Variants in GET4 observed in about 807,000 individuals in gnomAD.
GET4 encodes guided entry of tail-anchored proteins factor 4, also known as Golgi to ER traffic protein 4 homolog.
GET4 carries 20 observed loss-of-function variants against 40.0 expected under a neutral mutation model. The ratio of observed to expected loss-of-function variants is 0.50; its 90% CI spans 0.35 to 0.73. The LOEUF is 0.73. Ranked by LOEUF, GET4 falls within the 30% of genes least tolerant of loss-of-function variation. GET4 has a pLI of 0.01. For missense variants in GET4, 557 were observed against 454.0 expected, an observed-to-expected ratio of 1.23 and a Z score of -2.06; for synonymous variants, 280 against 194.6, an observed-to-expected ratio of 1.44 and a Z score of -3.65.
rs1160978419 is a variant in GET4, at chr7:895,904, C to T, written c.*482C>T. The stretch of plus-strand genomic sequence containing the variant: ...GAGCGGCTGTTTTTGAACACGGGGT[C>T]ATTCTGCAGTCAGGACGAACCGGTC... On this transcript the variant is annotated 3_prime_UTR_variant, in exon 9 of 9. Coordinates refer to ENST00000265857, the MANE Select transcript of GET4 (RefSeq NM_015949.3). 1 of 152,554 alleles carries T rather than the reference C, an allele frequency of 6.6e-6. No homozygotes were observed. The highest frequency in any genetic ancestry group is 1.5e-5 in the Non-Finnish European group (1 of 68,250). The allele number at this position is 152,554 out of a possible 1,614,324, so 9.5% of individuals were successfully genotyped here.
intron 1 of GET4, among the ~76,000 whole-genome samples, chr7:878,574 C>CTTTT (rs1261640394): frequency 3.1e-5 from 4 of 130,456 alleles, no homozygotes; most frequent in South Asian, 2.5e-4. Flanking sequence ...TTTTAATAAA[C>CTTTT]TTTTTTTTTT....
At chr7:883,515 C>T (rs1232439464) in intron 1 of GET4, 1 of 985,158 alleles carries the variant, frequency 1.0e-6, no homozygotes, top group Non-Finnish European at 1.2e-6. Context: ...AGATTGTTTG[C>T]CCAGACACTT....
chr7:886,693 C>T, intron 3 of GET4, 43 bp downstream of exon 3: 2 of 1,215,218 alleles, frequency 1.6e-6, no homozygotes, highest in African/African-American at 1.5e-5. Flanking sequence ...TGACAGCGGC[C>T]CCAGTACGCC....
chr7:890,819 C>T (rs1323194980), intron 4 of GET4, 109 bp from the exon 5 acceptor site: 14 of 892,506 alleles, frequency 1.6e-5, no homozygotes, highest in East Asian at 5.0e-5. Flanking sequence ...CTGGGCTCTC[C>T]TCCAGGGCGG....
At chr7:877,874 T>G in intron 1 of GET4, 1 of 60,094 alleles carries the variant, frequency 1.7e-5, no homozygotes, top group Non-Finnish European at 3.1e-5. Context: ...CCCCCTCCCC[T>G]TCCTCTGTCT....
At chr7:893,005 G>C (rs1844364945) in intron 6 of GET4, among the ~76,000 whole-genome samples, 1 of 151,156 alleles carries the variant, frequency 6.6e-6, no homozygotes, top group South Asian at 2.1e-4. Context: ...CGGGCGTGGT[G>C]GTGTTTGCAG....
Position 876,686 on chromosome 7 carries a change from G to C in GET4, c.41G>C (p.Arg14Pro). Residue 14 changes from arginine to proline, a missense_variant, in exon 1 of 9, where the codon CGG (arginine) becomes CCG (proline). Transcript: ENST00000265857. ...GCGATGGCCGAGCAGGAGAGCGCCC[G>C]GAACGGCGGCCGCAACCGCGGCGGC... ...AAAMAEQESA[R>P]NGGRNRGGVQ... 1 of 1,346,868 alleles carries C rather than the reference G, an allele frequency of 7.4e-7. No homozygotes were observed. Among genetic ancestry groups the C allele is most frequent in the Non-Finnish European group, 9.7e-7 (1 of 1,036,150 alleles). 83.4% of individuals were successfully genotyped at this position (1,346,868 alleles called of 1,614,324 possible). A position where few individuals can be genotyped will look rare whatever the true frequency, so the allele number is the denominator to read the frequency against.
intron 1 of GET4, chr7:883,662 C>T (rs1241645754): frequency 1.0e-6 from 1 of 985,484 alleles, no homozygotes; most frequent in Non-Finnish European, 1.2e-6. Context: ...CAATAGTGCG[C>T]AGCATGCAGA....
chr7:895,351 C>G lies in GET4; in HGVS notation c.913C>G (p.Leu305Val). The stretch of plus-strand genomic sequence containing the variant: ...CTTTCCAGGGAACCTTCTGACCAGC[C>G]TCATGGGCTCCTCAGAGCAGGAGGA... The part of the protein sequence containing the change: ...GGLLGNLLTS[L>V]MGSSEQEDGE... The change falls in exon 9 of 9, where the codon CTC becomes GTC. Residue 305 changes from leucine (L) to valine (V), a missense_variant. Leu to Val is a conservative substitution (Grantham distance 32). Transcript: ENST00000265857. 1.3e-6 allele frequency: 2 copies of G among 1,585,410 alleles called. No individual in the cohort carries two copies. The highest frequency in any genetic ancestry group is 8.6e-7 in the Non-Finnish European group (1 of 1,156,270).
At position 894,552 on chromosome 7, in the gene GET4, C is replaced by T. The variant is rs528650376; in HGVS notation, c.895+581C>T. 3.7e-4 allele frequency among the ~76,000 whole-genome samples: 57 copies of T among 152,122 alleles called. No homozygotes were observed. In the South Asian group the frequency reaches 0.011, roughly 29 times the overall value. On this transcript the variant is annotated intron_variant, in intron 8 of 8. Coordinates refer to ENST00000265857, the MANE Select transcript of GET4 (RefSeq NM_015949.3). ...GGCAGGCCCTGTCCTCCCCGGATGC[C>T]CCCCCCAGACACCCTGGCCCTCACC...
chr7:877,485 C>T (rs1307621074), intron 1 of GET4, among the ~76,000 whole-genome samples: 61 of 72,584 alleles, frequency 8.4e-4, no homozygotes, highest in Non-Finnish European at 1.4e-3. Flanking sequence ...CTCTCCCTGT[C>T]CTCCCTCTGC....
chr7:893,201 TG>T, intron 6 of GET4, among the ~76,000 whole-genome samples: 1 of 116,286 alleles, frequency 8.6e-6, no homozygotes, highest in African/African-American at 3.3e-5. Flanking sequence ...GCGGGCGCGG[TG>T]GTGTGTGCAG....
intron 8 of GET4, 102 bp downstream of exon 8, chr7:894,073 G>T: frequency 1.6e-6 from 1 of 641,104 alleles, no homozygotes; most frequent in Non-Finnish European, 2.6e-6. Context: ...CGTGGAAGTG[G>T]TTTTCTGATC....
At chr7:876,852 C>T (rs1372173883) in intron 1 of GET4, 52 bp downstream of exon 1, 2 of 1,020,982 alleles carry the variant, frequency 2.0e-6, no homozygotes, top group Admixed American at 5.2e-5. Flanking sequence ...CGCCGCCTCC[C>T]ATTGGCCGCG....
chr7:881,861 G>A (rs751321039), intron 1 of GET4: 2 of 152,288 alleles, frequency 1.3e-5, no homozygotes, highest in South Asian at 2.1e-4. Context: ...AGTGTGTGTT[G>A]TTGGCCCCTT....
chr7:891,820 C>T (rs557159850), intron 5 of GET4, among the ~76,000 whole-genome samples: 31 of 152,354 alleles, frequency 2.0e-4, no homozygotes, highest in Admixed American at 2.0e-3. Context: ...CTGCGCTACG[C>T]CGTGTACATG....
In GET4 at chr7:893,721, C is replaced by T. The variant is rs1013314244; in HGVS notation, c.747-19C>T. On this transcript the variant is annotated intron_variant, in intron 6 of 8. Transcript: ENST00000265857. ...CCTGTTCTGCTCACCCAGCACATCCCTGTGTGTCTCTGTCCCAGTGGGAAG... is the reference window on the plus strand; with the variant it reads ...CCTGTTCTGCTCACCCAGCACATCCTTGTGTGTCTCTGTCCCAGTGGGAAG... 205 of 1,556,058 alleles carry T rather than the reference C, an allele frequency of 1.3e-4. 1 individual carries two copies. The highest frequency in any genetic ancestry group is 1.8e-4 in the Non-Finnish European group (202 of 1,132,260).
At chr7:892,450 C>A in intron 6 of GET4, 32 bp downstream of exon 6, 1 of 1,579,098 alleles carries the variant, frequency 6.3e-7, no homozygotes, top group South Asian at 1.1e-5. Flanking sequence ...GGGGAGGGGG[C>A]TGTGAATGTG....
In GET4 at chr7:892,429, G is replaced by A. The variant is rs767635486; in HGVS notation, c.746+11G>A. 14 of 1,583,960 alleles carry A rather than the reference G, an allele frequency of 8.8e-6. No homozygotes were observed. Among genetic ancestry groups the A allele is most frequent in the Non-Finnish European group, 1.2e-5 (14 of 1,156,256 alleles). ...GCTGGCTGTGGACGGGTGCGTCTTG[G>A]GATCCTGCAGGGGGAGGGGGCTGTG... On this transcript the variant is annotated intron_variant, in intron 6 of 8. Transcript: ENST00000265857.
Sources: allele counts gnomAD v4.1 joint callset (sites outside exome capture counted in the v4.1 genomes callset), GRCh38; gene constraint gnomAD v4.1.1; transcripts MANE v1.5; gene names NCBI Gene and HGNC (gene_info 2026-07-23, HGNC 2026-07-21).